Variants in ESS2 observed in about 807,000 individuals in gnomAD.
ESS2 encodes the protein ess-2 spliceosome associated protein.
Under a neutral mutation model 52.0 loss-of-function variants are expected in ESS2, and 31 were observed. The ratio of observed to expected loss-of-function variants is 0.60; its 90% CI spans 0.45 to 0.81. The LOEUF is 0.81. ESS2 is among the 30% of genes least tolerant of loss of function. The pLI, the probability that ESS2 is intolerant of heterozygous loss-of-function variation, is 0.00. For missense variants in ESS2, 602 were observed against 637.2 expected, an observed-to-expected ratio of 0.94 and a Z score of 0.59; for synonymous variants, 285 against 259.2, an observed-to-expected ratio of 1.10 and a Z score of -0.95.
Position 19,137,376 on chromosome 22 carries a change from C to G in ESS2, c.982G>C (p.Val328Leu). The part of the protein sequence containing the change: ...WGEVENTPLR[V>L]EGSETPYVDR... ...ACGTAGGGCGTTTCCGACCCTTCAA[C>G]TCTCAAGGGTGTGTTCTCAACCTCC... The change falls in exon 8 of 10, where the codon GTT (valine) becomes CTT (leucine). Residue 328 changes from valine to leucine, a missense_variant. Coordinates refer to ENST00000252137, the MANE Select transcript of ESS2 (RefSeq NM_022719.3). 1 of 1,613,898 alleles carries G rather than the reference C, an allele frequency of 6.2e-7. No homozygotes were observed. Among genetic ancestry groups the G allele is most frequent in the Non-Finnish European group, 8.5e-7 (1 of 1,179,880 alleles).
chr22:19,142,471 G>C, intron 3 of ESS2, 67 bp downstream of exon 3: 1 of 1,442,724 alleles, frequency 6.9e-7, no homozygotes, highest in African/African-American at 1.4e-5. Flanking sequence ...CACCCCCTCA[G>C]GGCCTCACAG....
At position 19,138,233 on chromosome 22, in the gene ESS2, T is replaced by C. The variant is rs1234515125; in HGVS notation, c.907A>G (p.Thr303Ala). 59 of 1,613,308 alleles carry C rather than the reference T, an allele frequency of 3.7e-5. No homozygotes were observed. Among genetic ancestry groups the C allele is most frequent in the Non-Finnish European group, 4.8e-5 (57 of 1,179,834 alleles). ...PRVGGFGFVA[T>A]PSPAPGVNES... ...TTCTCACCAGGGGCAGGGGAAGGAG[T>C]GGCAACAAATCCAAATCCACCCACT... Residue 303 changes from threonine to alanine, a missense_variant, in exon 7 of 10, where the codon ACT becomes GCT. Coordinates refer to ENST00000252137, the MANE Select transcript of ESS2 (RefSeq NM_022719.3).
chr22:19,132,056 C>G lies in ESS2; in HGVS notation c.*2140G>C. On this transcript the variant is annotated 3_prime_UTR_variant, in exon 10 of 10. Transcript: ENST00000252137. This position sits in a 1 kb window ranked among gnomAD's most constrained non-coding sequence, Gnocchi z 4.2. The stretch of plus-strand genomic sequence containing the variant: ...GCGGCTCCATGCCCTATGACGACTC[C>G]GACATCAGGAAGATGCTGCGTATCC... 6.2e-7 allele frequency: 1 copy of G among 1,614,000 alleles called. No individual in the cohort carries two copies. The highest frequency in any genetic ancestry group is 8.5e-7 in the Non-Finnish European group (1 of 1,179,956).
Position 19,144,426 on chromosome 22 carries a change from C to T in ESS2, c.135+80G>A. On this transcript the variant is annotated intron_variant, in intron 1 of 9. Coordinates refer to ENST00000252137, the MANE Select transcript of ESS2 (RefSeq NM_022719.3). ...CTTCCACGAGGAGACGGAGTGTCAA[C>T]ACCCGAGAGAGGGAACCTGAGAGGA... 3 of 1,597,252 alleles carry T rather than the reference C, an allele frequency of 1.9e-6. No individual in the cohort carries two copies. In the South Asian group the frequency reaches 3.4e-5, roughly 18 times the overall value.
At chr22:19,136,001 G>A (rs1454127635) in intron 8 of ESS2, among the ~76,000 whole-genome samples, 3 of 139,402 alleles carry the variant, frequency 2.2e-5, no homozygotes, top group Non-Finnish European at 4.5e-5. Flanking sequence ...CTGTTCTCCA[G>A]CCTGGGCAAC....
intron 3 of ESS2, among the ~76,000 whole-genome samples, chr22:19,142,009 GAAATT>G (rs199770468): frequency 3.3e-5 from 5 of 152,160 alleles, no homozygotes; most frequent in African/African-American, 9.6e-5. Flanking sequence ...AAAATAAAAT[GAAATT>G]AAATAAAATA....
chr22:19,132,133 G>T lies in ESS2; in HGVS notation c.*2063C>A. ...CGCTCCAAGAACCTGACCTGCGAGTGCAAGGACCTCATCTACCGCATGCTG... is the reference window on the plus strand; with the variant it reads ...CGCTCCAAGAACCTGACCTGCGAGTTCAAGGACCTCATCTACCGCATGCTG... On this transcript the variant is annotated 3_prime_UTR_variant, in exon 10 of 10. Transcript: ENST00000252137. This position sits in a 1 kb window ranked among gnomAD's most constrained non-coding sequence, Gnocchi z 4.2. 6.2e-7 allele frequency: 1 copy of T among 1,612,896 alleles called. No homozygotes were observed. The highest frequency in any genetic ancestry group is 8.5e-7 in the Non-Finnish European group (1 of 1,179,010).
At chr22:19,139,025 T>A (rs2146099481) in intron 6 of ESS2, 134 bp downstream of exon 6, 1 of 1,242,166 alleles carries the variant, frequency 8.1e-7, no homozygotes, top group African/African-American at 1.5e-5. Context: ...AGACTCAGGA[T>A]CCTGCCGCAC....
chr22:19,133,877 A>T lies in ESS2; in HGVS notation c.*319T>A. 1 of 276,818 alleles carries T rather than the reference A, an allele frequency of 3.6e-6. No individual in the cohort carries two copies. Among genetic ancestry groups the T allele is most frequent in the African/African-American group, 2.2e-5 (1 of 45,942 alleles). 17.1% of individuals were successfully genotyped at this position (276,818 alleles called of 1,614,324 possible). On this transcript the variant is annotated 3_prime_UTR_variant, in exon 10 of 10. Transcript: ENST00000252137. ...GCCCCGCAGTCCTGAGACGTGATGC[A>T]GGCCCCAGGGCAAGGCTAGGGCTCG...
chr22:19,139,437 C>T, intron 5 of ESS2, 145 bp from the exon 6 acceptor site: 1 of 1,329,800 alleles, frequency 7.5e-7, no homozygotes, highest in Non-Finnish European at 1.0e-6. Flanking sequence ...GAGAGGGTCT[C>T]ACTCACTGCT....
At chr22:19,140,102 A>C in intron 3 of ESS2, 78 bp from the exon 4 acceptor site, 8 of 1,541,430 alleles carry the variant, frequency 5.2e-6, no homozygotes, top group Non-Finnish European at 7.1e-6. Flanking sequence ...CCCAGGAATC[A>C]TAGCCCCCAA....
rs1555914465 is a variant in ESS2 at position 19,136,031 on chromosome 22, T to TTAA, written c.1036-857_1036-856insTTA. ...GGCAACAGAGTGAAACCCTATCTGT[T>TTAA]AAAAAAAAAAAAAAAAAAAAAAAAG... On this transcript the variant is annotated intron_variant, in intron 8 of 9. Coordinates refer to ENST00000252137, the MANE Select transcript of ESS2 (RefSeq NM_022719.3). 1.8e-4 allele frequency among the ~76,000 whole-genome samples: 17 copies of TTAA among 92,538 alleles called. No homozygotes were observed. In the East Asian group the frequency reaches 4.7e-3, roughly 26 times the overall value. The allele number at this position is 92,538 out of a possible 152,430, so 60.7% of individuals were successfully genotyped here.
At position 19,142,871 on chromosome 22, in the gene ESS2, C is replaced by T. The variant is rs1365004077; in HGVS notation, c.159G>A (p.Arg53=). 4 of 1,613,718 alleles carry T rather than the reference C, an allele frequency of 2.5e-6. No homozygotes were observed. The highest frequency in any genetic ancestry group is 2.2e-5 in the East Asian group (1 of 44,888). ...GCTTCTCCACATCAGGAAAGAAATC[C>T]CTTTGGATGACCGTCTGGAGGCCCT... is the stretch of plus-strand genomic sequence containing the variant. ...YIEGLQTVIQ[R]DFFPDVEKLQ... Residue 53 remains arginine, a synonymous_variant, in exon 2 of 10, where the codon AGG becomes AGA. Transcript: ENST00000252137.
chr22:19,143,973 T>A, intron 1 of ESS2: 1 of 944,366 alleles, frequency 1.1e-6, no homozygotes, highest in Non-Finnish European at 1.3e-6. Context: ...GCTGCATATC[T>A]GGGCACCCAA....
chr22:19,142,722 A>G lies in ESS2; in HGVS notation c.304+4T>C. ...CCTCTCCGCCACCCACAGGGTCCTC[A>G]TACAGGGTGGCGGGGGCTCCCGGGA... On this transcript the variant is annotated splice_donor_region_variant and intron_variant, in intron 2 of 9. Coordinates refer to ENST00000252137, the MANE Select transcript of ESS2 (RefSeq NM_022719.3). 6.2e-7 allele frequency: 1 copy of G among 1,613,526 alleles called. No individual in the cohort carries two copies. Among genetic ancestry groups the G allele is most frequent in the Non-Finnish European group, 8.5e-7 (1 of 1,179,686 alleles).
chr22:19,136,220 G>A (rs988753066), intron 8 of ESS2, among the ~76,000 whole-genome samples: 1 of 151,402 alleles, frequency 6.6e-6, no homozygotes, highest in South Asian at 2.1e-4. Flanking sequence ...AAATAAGCCG[G>A]GCGTGGTGGC....
intron 3 of ESS2, among the ~76,000 whole-genome samples, chr22:19,141,074 A>C (rs1053571237): frequency 1.3e-5 from 2 of 151,928 alleles, no homozygotes; most frequent in Non-Finnish European, 2.9e-5. Flanking sequence ...TTGAGCTCAG[A>C]AGTTTAAAAC....
At chr22:19,139,540 G>C (rs2146100853) in intron 5 of ESS2, 72 bp downstream of exon 5, 1 of 1,465,436 alleles carries the variant, frequency 6.8e-7, no homozygotes. Flanking sequence ...CTGGAAGGCT[G>C]CTCCAAACAC....
chr22:19,144,461 A>C, intron 1 of ESS2, 45 bp downstream of exon 1: 11 of 1,610,026 alleles, frequency 6.8e-6, no homozygotes, highest in Non-Finnish European at 9.3e-6. Flanking sequence ...AGCTTGAAGC[A>C]GAGGATGGGC....
Sources: allele counts gnomAD v4.1 joint callset (sites outside exome capture counted in the v4.1 genomes callset), GRCh38; gene constraint gnomAD v4.1.1; non-coding constraint Gnocchi (gnomAD v3.1); transcripts MANE v1.5; gene names NCBI Gene and HGNC (gene_info 2026-07-23, HGNC 2026-07-21).